The following COLQ variants were observed in gnomAD, a reference collection of about 807,000 sequenced individuals.
The protein encoded by COLQ is acetylcholinesterase collagenic tail peptide.
In COLQ, 48 loss-of-function variants were observed where a neutral mutation model predicts 69.0. The ratio of observed to expected loss-of-function variants is 0.70; its 90% CI spans 0.55 to 0.88. The LOEUF is 0.88. COLQ is among the 40% of genes least tolerant of loss of function. COLQ has a pLI of 0.00. For missense variants in COLQ, 618 were observed against 594.6 expected (o/e 1.04, Z -0.41); for synonymous variants, 217 against 211.2 (o/e 1.03, Z -0.24).
chr3:15,466,753 T>C (rs2062206297), intron 11 of COLQ, among the ~76,000 whole-genome samples: 1 of 152,242 alleles, frequency 6.6e-6, no homozygotes. Flanking sequence ...CTATTTTCAC[T>C]CATTGGCTTC....
Position 15,474,282 on chromosome 3 carries a change from A to C in COLQ, c.556-10T>G. On this transcript the variant is annotated splice_polypyrimidine_tract_variant and intron_variant, in intron 8 of 16. Coordinates refer to ENST00000383788, the MANE Select transcript of COLQ (RefSeq NM_005677.4). The stretch of plus-strand genomic sequence containing the variant: ...TTTCACCTCTGGATCCCTAGGAAGA[A>C]ACCATAGGAGAAAGTCAATGAGTTA... 2 of 1,613,842 alleles carry C rather than the reference A, an allele frequency of 1.2e-6. No homozygotes were observed. The highest frequency in any genetic ancestry group is 1.7e-6 in the Non-Finnish European group (2 of 1,179,730).
intron 7 of COLQ, 156 bp downstream of exon 7, chr3:15,475,266 CATG>C: frequency 2.6e-6 from 2 of 759,594 alleles, no homozygotes; most frequent in Non-Finnish European, 4.4e-6. Context: ...CATCCCAGGG[CATG>C]ATGTTCTCCA....
intron 2 of COLQ, among the ~76,000 whole-genome samples, 184 bp downstream of exon 2, chr3:15,489,341 A>G (rs2125138600): frequency 1.3e-5 from 2 of 152,314 alleles, no homozygotes; most frequent in Middle Eastern, 6.8e-3. Flanking sequence ...TGGAGAATGG[A>G]CACACCCCAG....
chr3:15,513,832 C>A (rs1042602558), intron 1 of COLQ, among the ~76,000 whole-genome samples: 2 of 152,100 alleles, frequency 1.3e-5, no homozygotes, highest in African/African-American at 4.8e-5. Flanking sequence ...AGATCCTGAT[C>A]CCTGGAACCT....
intron 5 of COLQ, 185 bp downstream of exon 5, chr3:15,478,792 G>T: frequency 1.4e-6 from 1 of 735,996 alleles, no homozygotes; most frequent in Non-Finnish European, 2.4e-6. Context: ...TCCTGCTCCT[G>T]AACAAAGAAG....
At chr3:15,491,630 G>A (rs956189571) in intron 1 of COLQ, among the ~76,000 whole-genome samples, 5 of 152,236 alleles carry the variant, frequency 3.3e-5, no homozygotes, top group African/African-American at 7.2e-5. Flanking sequence ...GGCCTAAAGC[G>A]ACCTTTTACG....
intron 1 of COLQ, 33 bp from the exon 2 acceptor site, chr3:15,489,670 T>C (rs748576557): frequency 1.3e-6 from 2 of 1,589,650 alleles, no homozygotes; most frequent in South Asian, 1.1e-5. Flanking sequence ...CGTTAGCATG[T>C]GGTCAGTGCT....
At position 15,521,585 on chromosome 3, in the gene COLQ, T is replaced by C; in HGVS notation, c.41A>G (p.Gln14Arg). Residue 14 changes from glutamine (Q) to arginine (R), a missense_variant, in exon 1 of 17, where the codon CAG becomes CGG. Physicochemically the swap from Gln to Arg is conservative, Grantham distance 43. Transcript: ENST00000383788. ...AGACACGATAGAGAGGAAGAAAAGC[T>C]GAAGATAAATTCCCAAAGTCATTGG... ...LNPMTLGIYL[Q>R]LFFLSIVSQP... 1.9e-6 allele frequency: 3 copies of C among 1,614,192 alleles called. 1 individual carries two copies. The South Asian group carries it at 3.3e-5, about 18-fold the overall frequency.
chr3:15,485,401 G>C (rs1447166150), intron 3 of COLQ, among the ~76,000 whole-genome samples: 1 of 152,052 alleles, frequency 6.6e-6, no homozygotes, highest in Non-Finnish European at 1.5e-5. Context: ...CTCTGTGCTG[G>C]GAGAACCACT....
chr3:15,514,229 G>T (rs533499940), intron 1 of COLQ, among the ~76,000 whole-genome samples: 1 of 152,254 alleles, frequency 6.6e-6, no homozygotes, highest in African/African-American at 2.4e-5. Flanking sequence ...AGTTTATGAT[G>T]ATTTATTACA....
At chr3:15,501,994 A>AT (rs2125164095) in intron 1 of COLQ, among the ~76,000 whole-genome samples, 1 of 151,982 alleles carries the variant, frequency 6.6e-6, no homozygotes, top group African/African-American at 2.4e-5. Context: ...TGTCAGAATA[A>AT]TTTTTTCTTT....
intron 5 of COLQ, 62 bp downstream of exon 5, chr3:15,478,915 T>G: frequency 6.3e-7 from 1 of 1,598,952 alleles, no homozygotes; most frequent in Non-Finnish European, 8.6e-7. Context: ...TCCCTAGGAG[T>G]GCATGCACAC....
chr3:15,479,234 A>T lies in COLQ; in HGVS notation c.366+104T>A, dbSNP rs1470254712. 5.4e-6 allele frequency: 7 copies of T among 1,291,324 alleles called. No homozygotes were observed. In the East Asian group the frequency reaches 1.2e-4, roughly 21 times the overall value. 80.0% of individuals were successfully genotyped at this position (1,291,324 alleles called of 1,614,324 possible). On this transcript the variant is annotated intron_variant, in intron 4 of 16. Coordinates refer to ENST00000383788, the MANE Select transcript of COLQ (RefSeq NM_005677.4). ...CCCAGCCTCTCACCAAGGCAGAGTT[A>T]GCACATGTTTGGAAATCTCAACTAG...
At chr3:15,480,542 T>C (rs2062462950) in intron 3 of COLQ, among the ~76,000 whole-genome samples, 1 of 152,232 alleles carries the variant, frequency 6.6e-6, no homozygotes, top group Admixed American at 6.5e-5. Context: ...TAGTATTCCA[T>C]GGTGTATATG....
intron 1 of COLQ, among the ~76,000 whole-genome samples, chr3:15,502,115 T>A (rs1215627550): frequency 6.8e-5 from 4 of 58,738 alleles, no homozygotes; most frequent in African/African-American, 3.6e-4. Context: ...TTGCACTGAT[T>A]TTTTTTTTTT....
intron 3 of COLQ, among the ~76,000 whole-genome samples, chr3:15,485,440 A>G (rs1300822557): frequency 2.0e-5 from 3 of 152,230 alleles, no homozygotes; most frequent in Non-Finnish European, 4.4e-5. Context: ...TTAGAAATGC[A>G]GAAATCAACC....
rs1358619558 is a variant in COLQ, at chr3:15,481,152, T to A, written c.322-1770A>T. Among the ~76,000 whole-genome samples the A allele has an allele frequency of 5.3e-5, 8 of 152,348 alleles. 2 individuals carry two copies. Among genetic ancestry groups the A allele is most frequent in the Admixed American group, 5.2e-4 (8 of 15,308 alleles). ...TAAAAATTTTCTCCCATTCTGTAGGTTGCCTGTTCACTCTGATGGTAGTTT... is the reference window on the plus strand; with the variant it reads ...TAAAAATTTTCTCCCATTCTGTAGGATGCCTGTTCACTCTGATGGTAGTTT... On this transcript the variant is annotated intron_variant, in intron 3 of 16. Transcript: ENST00000383788.
intron 1 of COLQ, among the ~76,000 whole-genome samples, chr3:15,508,068 TTC>T (rs1165771403): frequency 6.6e-6 from 1 of 152,210 alleles, no homozygotes; most frequent in African/African-American, 2.4e-5. Flanking sequence ...TATAATTATT[TTC>T]TTTTATGGTT....
chr3:15,483,104 CTTCT>C (rs1429702652), intron 3 of COLQ, among the ~76,000 whole-genome samples: 1 of 151,908 alleles, frequency 6.6e-6, no homozygotes, highest in Non-Finnish European at 1.5e-5. Flanking sequence ...TCTCTCTTTT[CTTCT>C]TTATTAGTCT....
Sources: allele counts gnomAD v4.1 joint callset (sites outside exome capture counted in the v4.1 genomes callset), GRCh38; gene constraint gnomAD v4.1.1; transcripts MANE v1.5; gene names NCBI Gene and HGNC (gene_info 2026-07-23, HGNC 2026-07-21).